Variants in EP400 observed in about 807,000 individuals in gnomAD.
EP400 encodes the protein E1A binding protein p400.
A neutral mutation model predicts 354.1 loss-of-function variants in EP400; 105 were observed. The ratio of observed to expected loss-of-function variants is 0.30; its 90% confidence interval spans 0.25 to 0.35. EP400 has a LOEUF of 0.35. Ranked by LOEUF, EP400 falls within the 10% of genes least tolerant of loss-of-function variation. The pLI is 1.00. For synonymous variants in EP400, 1,646 were observed against 1,716.9 expected (o/e 0.96, Z 1.02); for missense variants, 3,280 against 4,121.0 (o/e 0.80, Z 5.59).
chr12:131,951,065 A>ATTTTTTTTTT (rs750396319), intron 1 of EP400, among the ~76,000 whole-genome samples: 606 of 104,168 alleles, frequency 5.8e-3, no homozygotes, highest in Middle Eastern at 0.019. Context: ...ACGCCTGGCT[A>ATTTTTTTTTT]TTTTTTTTTT....
intron 2 of EP400, among the ~76,000 whole-genome samples, chr12:131,971,537 A>C (rs947674914): frequency 2.0e-5 from 3 of 152,074 alleles, no homozygotes; most frequent in Non-Finnish European, 4.4e-5. Context: ...TTCTATTTTT[A>C]ATTTTTTGAG....
intron 2 of EP400, among the ~76,000 whole-genome samples, chr12:131,971,047 A>T (rs996285034): frequency 4.6e-5 from 7 of 152,178 alleles, no homozygotes; most frequent in Admixed American, 2.0e-4. Context: ...CAAAAAAATT[A>T]AAAAATTAGC....
chr12:131,995,499 C>T (rs560332680), intron 12 of EP400, among the ~76,000 whole-genome samples: 18 of 149,494 alleles, frequency 1.2e-4, no homozygotes, highest in Admixed American at 3.3e-4. Context: ...TGAATCCCAC[C>T]ACAGCTTGAC....
chr12:131,973,230 T>G (rs935279135), intron 2 of EP400, among the ~76,000 whole-genome samples: 8 of 152,218 alleles, frequency 5.3e-5, no homozygotes, highest in Non-Finnish European at 7.3e-5. Flanking sequence ...TCTGTTCTAT[T>G]TAGAAAAACT....
rs921346175 is a variant in EP400, at chr12:132,079,836, CAATT to C, written c.*2164_*2167del. 1 of 152,226 alleles carries C rather than the reference CAATT, an allele frequency of 6.6e-6. No individual in the cohort carries two copies. Among genetic ancestry groups the C allele is most frequent in the Non-Finnish European group, 1.5e-5 (1 of 68,034 alleles). The allele number at this position is 152,226 out of a possible 1,614,324, so 9.4% of individuals were successfully genotyped here. ...CGGACATATTTTTACTCGTAGCACT[CAATT>C]TAGTAACTTCTAGATGCTACCGTTG... On this transcript the variant is annotated 3_prime_UTR_variant, in exon 53 of 53. Coordinates refer to ENST00000389561, the MANE Select transcript of EP400 (RefSeq NM_015409.5).
chr12:132,033,876 A>C (rs781395203), intron 30 of EP400, among the ~76,000 whole-genome samples: 3 of 152,140 alleles, frequency 2.0e-5, no homozygotes, highest in Non-Finnish European at 4.4e-5. Context: ...TAGTAATTCA[A>C]ATGCTGTATT....
At chr12:132,028,997 G>T (rs1453671635) in intron 27 of EP400, 2 of 152,486 alleles carry the variant, frequency 1.3e-5, no homozygotes, top group Non-Finnish European at 2.9e-5. Flanking sequence ...AAAACTGGGA[G>T]TGCTTCTCCA....
At position 132,052,888 on chromosome 12, in the gene EP400, C is replaced by T. The variant is rs993805621; in HGVS notation, c.7395-258C>T. ...GTGCGTTTGGGGGCTGCCACAAGTA[C>T]GCTGGGGACGTGTTCGGAGATACTT... On this transcript the variant is annotated intron_variant, in intron 41 of 52. Transcript: ENST00000389561. The surrounding 1 kb of genome is among the most constrained non-coding windows in gnomAD (Gnocchi z 4.4). Among the ~76,000 whole-genome samples, 5 of 152,076 alleles carry T rather than the reference C, an allele frequency of 3.3e-5. No homozygotes were observed. Among genetic ancestry groups the T allele is most frequent in the Non-Finnish European group, 7.4e-5 (5 of 68,014 alleles).
intron 45 of EP400, among the ~76,000 whole-genome samples, chr12:132,060,892 C>T (rs1593382023): frequency 7.9e-6 from 1 of 126,180 alleles, no homozygotes; most frequent in Non-Finnish European, 1.6e-5. Flanking sequence ...GCAGCCTGGG[C>T]AACGAGAGCA....
chr12:132,077,354 G>T, intron 52 of EP400, 47 bp from the exon 53 acceptor site: 1 of 1,581,030 alleles, frequency 6.3e-7, no homozygotes, highest in South Asian at 1.2e-5. Context: ...CCTGTCCCTG[G>T]ACTGAGTTTC....
chr12:131,981,121 G>T (rs1892666349), intron 3 of EP400, among the ~76,000 whole-genome samples: 1 of 152,136 alleles, frequency 6.6e-6, no homozygotes, highest in African/African-American at 2.4e-5. Context: ...TTCCCTGTGT[G>T]CTGGGCATTT....
rs754989535 is a variant in EP400, at chr12:132,018,239, C to T, written c.4140C>T (p.Ile1380=). ...CAGATCTTTCTATGTTTGATCTCAT[C>T]GGCTTAGAAAATAAAATCACTCGTC... The part of the protein sequence containing the change: ...KEADLSMFDL[I]GLENKITRHE... Residue 1380 remains isoleucine (I), a synonymous_variant, in exon 21 of 53, where the codon ATC becomes ATT. Coordinates refer to ENST00000389561, the MANE Select transcript of EP400 (RefSeq NM_015409.5). The surrounding 1 kb of genome is among the most constrained non-coding windows in gnomAD (Gnocchi z 4.0). The T allele has an allele frequency of 2.7e-5, 43 of 1,613,006 alleles. No individual in the cohort carries two copies. In the East Asian group the frequency reaches 5.1e-4, roughly 19 times the overall value.
intron 23 of EP400, 75 bp downstream of exon 23, chr12:132,021,396 A>G (rs906220321): frequency 3.5e-6 from 5 of 1,433,056 alleles, no homozygotes; most frequent in Non-Finnish European, 4.6e-6. Context: ...ACGGGGATGT[A>G]GGAGGAGCCT....
At position 132,050,467 on chromosome 12, in the gene EP400, T is replaced by A; in HGVS notation, c.7337+8T>A. ...TCCCCCAATCAAACCTCTGTATGTT[T>A]CCTGAGTGCTCATTTTATGTTCATT... is the stretch of plus-strand genomic sequence containing the variant. On this transcript the variant is annotated splice_region_variant and intron_variant, in intron 40 of 52. Transcript: ENST00000389561. The surrounding 1 kb of genome is among the most constrained non-coding windows in gnomAD (Gnocchi z 4.8). 3 of 1,614,160 alleles carry A rather than the reference T, an allele frequency of 1.9e-6. No individual in the cohort carries two copies. Among genetic ancestry groups the A allele is most frequent in the Non-Finnish European group, 2.5e-6 (3 of 1,180,016 alleles).
In EP400 at chr12:132,052,938, C is replaced by T. The variant is rs1463742355; in HGVS notation, c.7395-208C>T. 6.6e-6 allele frequency among the ~76,000 whole-genome samples: 1 copy of T among 151,888 alleles called. No homozygotes were observed. The highest frequency in any genetic ancestry group is 1.5e-5 in the Non-Finnish European group (1 of 67,946). On this transcript the variant is annotated intron_variant, in intron 41 of 52. Coordinates refer to ENST00000389561, the MANE Select transcript of EP400 (RefSeq NM_015409.5). This position sits in a 1 kb window ranked among gnomAD's most constrained non-coding sequence, Gnocchi z 4.4. ...TTTCCTGGAGAGTGGGAGAGCTCGG[C>T]CTCAAGGAAGAGGACTCAGCGCCAG...
Position 132,006,300 on chromosome 12 carries a change from T to G in EP400, c.3124T>G (p.Ser1042Ala), listed in dbSNP as rs1338249704. The G allele has an allele frequency of 6.2e-7, 1 of 1,613,890 alleles. No individual in the cohort carries two copies. The highest frequency in any genetic ancestry group is 1.7e-5 in the Admixed American group (1 of 60,002). ...LPKGSARVTT[S>A]VKFNAPSLLY... The stretch of plus-strand genomic sequence containing the variant: ...GAAGGGCAGTGCTCGGGTCACAACC[T>G]CGGTGAGGCGCTAAGCTTTCAAGTG... Residue 1042 changes from serine (S) to alanine (A), a missense_variant and splice_region_variant, in exon 14 of 53, where the codon TCG (serine) becomes GCG (alanine). Physicochemically the swap from Ser to Ala is moderately conservative, Grantham distance 99. Coordinates refer to ENST00000389561, the MANE Select transcript of EP400 (RefSeq NM_015409.5).
At chr12:131,985,797 G>T (rs1369364653) in intron 5 of EP400, among the ~76,000 whole-genome samples, 1 of 152,016 alleles carries the variant, frequency 6.6e-6, no homozygotes, top group Non-Finnish European at 1.5e-5. Flanking sequence ...TAGTAGAGAC[G>T]AGGTTTCTCC....
rs753867258 is a variant in EP400 at position 132,027,338 on chromosome 12, T to C, written c.5015-99T>C. On this transcript the variant is annotated intron_variant, in intron 25 of 52. Coordinates refer to ENST00000389561, the MANE Select transcript of EP400 (RefSeq NM_015409.5). This position sits in a 1 kb window ranked among gnomAD's most constrained non-coding sequence, Gnocchi z 4.9. ...CGTTGCAGAATGACTTTCTGTGGAGTGTGCTGGTGGAGGGTGAGGTTCCAT... is the reference window on the plus strand; with the variant it reads ...CGTTGCAGAATGACTTTCTGTGGAGCGTGCTGGTGGAGGGTGAGGTTCCAT... 6 of 1,157,768 alleles carry C rather than the reference T, an allele frequency of 5.2e-6. No homozygotes were observed. Among genetic ancestry groups the C allele is most frequent in the Non-Finnish European group, 7.7e-6 (6 of 777,176 alleles). The allele number at this position is 1,157,768 out of a possible 1,614,324, so 71.7% of individuals were successfully genotyped here.
rs1380897496 is a variant in EP400 at position 132,011,476 on chromosome 12, A to G, written c.3305-22A>G. ...ACATGACAGATACTTTGACGTGGAAAATTCTGTTTTTTGCTTTGTAGGTAA... is the reference window on the plus strand; with the variant it reads ...ACATGACAGATACTTTGACGTGGAAGATTCTGTTTTTTGCTTTGTAGGTAA... On this transcript the variant is annotated intron_variant, in intron 15 of 52. Coordinates refer to ENST00000389561, the MANE Select transcript of EP400 (RefSeq NM_015409.5). The G allele has an allele frequency of 1.9e-6, 3 of 1,611,424 alleles. No individual in the cohort carries two copies. In the African/African-American group the frequency reaches 4.0e-5, roughly 22 times the overall value.
Sources: gnomAD v4.1 joint callset for allele counts (sites outside exome capture counted in the v4.1 genomes callset) on GRCh38, gnomAD v4.1.1 for gene constraint, Gnocchi (gnomAD v3.1) non-coding constraint, MANE v1.5 for transcripts, NCBI Gene and HGNC (gene_info 2026-07-23, HGNC 2026-07-21) for gene names.